DOCK1: variants seen among roughly 807,000 people sequenced by gnomAD.
The protein encoded by DOCK1 is dedicator of cytokinesis 1.
DOCK1 carries 138 observed loss-of-function variants against 262.7 expected under a neutral mutation model. That is an observed-to-expected ratio of 0.53 (90% confidence interval 0.46 to 0.61). The LOEUF is 0.61. DOCK1 is among the 20% of genes least tolerant of loss of function. The pLI is 0.00. For synonymous variants in DOCK1, 866 were observed against 867.4 expected (o/e 1.00, Z 0.03); for missense variants, 1,908 against 2,370.7 (o/e 0.80, Z 4.05).
At position 127,257,315 on chromosome 10, in the gene DOCK1, G is replaced by A. The variant is rs2059860888; in HGVS notation, c.2950-20G>A. ...CTTTTTCTTTGTGGGCCATTTCAGT[G>A]TTTTGTTTTTTTATTTCAGGATTTC... is the stretch of plus-strand genomic sequence containing the variant. On this transcript the variant is annotated intron_variant, in intron 28 of 51. Transcript: ENST00000623213. The A allele has an allele frequency of 1.3e-6, 2 of 1,559,034 alleles. No homozygotes were observed. Among genetic ancestry groups the A allele is most frequent in the Non-Finnish European group, 1.7e-6 (2 of 1,146,764 alleles).
At chr10:127,156,562 CT>C (rs869132788) in intron 27 of DOCK1, among the ~76,000 whole-genome samples, 13 of 16,964 alleles carry the variant, frequency 7.7e-4, no homozygotes, top group African/African-American at 2.1e-3. Flanking sequence ...TCTTCTTCTT[CT>C]TTTTTTTTTT....
intron 1 of DOCK1, among the ~76,000 whole-genome samples, chr10:126,915,554 G>T (rs1358610780): frequency 2.0e-5 from 3 of 152,084 alleles, no homozygotes; most frequent in Non-Finnish European, 4.4e-5. Flanking sequence ...AAGTAGCTGG[G>T]ATTACAGGTG....
At position 127,421,422 on chromosome 10, in the gene DOCK1, C is replaced by T. The variant is rs187659195; in HGVS notation, c.4776+1673C>T. Among the ~76,000 whole-genome samples the T allele has an allele frequency of 2.0e-3, 309 of 152,226 alleles. 5 individuals are homozygous for T. The highest frequency in any genetic ancestry group is 7.4e-4 in the Non-Finnish European group (50 of 68,018). ...CTAAGTGCTTATACTGATATGTAAA[C>T]ATAATATACATTATGTATATATTAT... is the stretch of plus-strand genomic sequence containing the variant. On this transcript the variant is annotated intron_variant, in intron 46 of 51. Coordinates refer to ENST00000623213, the MANE Select transcript of DOCK1 (RefSeq NM_001290223.2).
intron 27 of DOCK1, chr10:127,138,087 C>T: frequency 7.1e-7 from 1 of 1,417,696 alleles, no homozygotes; most frequent in Non-Finnish European, 9.6e-7. Context: ...CTCTTAGTGT[C>T]AGCAAGATTT....
chr10:127,127,305 A>G (rs1458872789), intron 26 of DOCK1, among the ~76,000 whole-genome samples: 1 of 152,256 alleles, frequency 6.6e-6, no homozygotes, highest in Non-Finnish European at 1.5e-5. Context: ...AGAACCATCT[A>G]GGACTGTTAT....
intron 4 of DOCK1, among the ~76,000 whole-genome samples, chr10:126,986,255 G>A (rs976702573): frequency 1.1e-4 from 16 of 152,108 alleles, no homozygotes; most frequent in Admixed American, 9.2e-4. Context: ...CAGGGTCCCC[G>A]TTGTCTGTTG....
intron 1 of DOCK1, among the ~76,000 whole-genome samples, chr10:126,945,847 G>A (rs1400502785): frequency 2.6e-5 from 4 of 152,210 alleles, no homozygotes; most frequent in African/African-American, 7.2e-5. Context: ...TGTCGGAGTG[G>A]CCAAGAGCAG....
chr10:127,333,150 C>G (rs1310776241), intron 29 of DOCK1, among the ~76,000 whole-genome samples: 1 of 152,154 alleles, frequency 6.6e-6, no homozygotes, highest in African/African-American at 2.4e-5. Context: ...TCGTCTCCAC[C>G]CCCAAAGCAG....
At chr10:127,337,488 T>C (rs529659481) in intron 29 of DOCK1, among the ~76,000 whole-genome samples, 9 of 152,336 alleles carry the variant, frequency 5.9e-5, no homozygotes, top group Non-Finnish European at 8.8e-5. Flanking sequence ...GCTTTTTTTT[T>C]CTAATCAATT....
At position 127,100,448 on chromosome 10, in the gene DOCK1, G is replaced by T. The variant is rs2048172831; in HGVS notation, c.2446-5783G>T. On this transcript the variant is annotated intron_variant, in intron 23 of 51. Transcript: ENST00000623213. This position sits in a 1 kb window ranked among gnomAD's most constrained non-coding sequence, Gnocchi z 5.5. Reference sequence around the variant, plus strand: ...AATCCCTAGGGAAGGCGAGGCAGCGGTGGCTTCCACCAAGGCAGGGGGAGT... The same window carrying T: ...AATCCCTAGGGAAGGCGAGGCAGCGTTGGCTTCCACCAAGGCAGGGGGAGT... Among the ~76,000 whole-genome samples the T allele has an allele frequency of 6.6e-6, 1 of 152,202 alleles. No individual in the cohort carries two copies. Among genetic ancestry groups the T allele is most frequent in the South Asian group, 2.1e-4 (1 of 4,830 alleles).
At chr10:127,162,961 C>T (rs879474223) in intron 27 of DOCK1, among the ~76,000 whole-genome samples, 2 of 152,182 alleles carry the variant, frequency 1.3e-5, no homozygotes, top group Non-Finnish European at 1.5e-5. Flanking sequence ...GAACCCTGAA[C>T]AGTAGCACTC....
At chr10:127,223,771 GCT>G (rs2058529801) in intron 27 of DOCK1, among the ~76,000 whole-genome samples, 1 of 152,158 alleles carries the variant, frequency 6.6e-6, no homozygotes, top group Non-Finnish European at 1.5e-5. Flanking sequence ...AAGAAGTGAG[GCT>G]TTTTAAGAAG....
chr10:126,958,873 G>A (rs2036963979), intron 1 of DOCK1, among the ~76,000 whole-genome samples: 1 of 152,220 alleles, frequency 6.6e-6, no homozygotes. Flanking sequence ...AGCCAAATAT[G>A]AGTGACCATG....
At chr10:127,410,057 AT>A (rs1475583703) in intron 42 of DOCK1, among the ~76,000 whole-genome samples, 27 of 152,288 alleles carry the variant, frequency 1.8e-4, no homozygotes, top group African/African-American at 6.3e-4. Context: ...TCTGGTGAAA[AT>A]ATTAATCTCT....
At chr10:127,046,935 G>A (rs1023890880) in intron 21 of DOCK1, among the ~76,000 whole-genome samples, 2 of 152,046 alleles carry the variant, frequency 1.3e-5, no homozygotes, top group Admixed American at 1.3e-4. Context: ...CAGTACCCCA[G>A]CAGATTGCTT....
chr10:127,033,643 G>A (rs2043392517), intron 18 of DOCK1, among the ~76,000 whole-genome samples: 1 of 152,164 alleles, frequency 6.6e-6, no homozygotes, highest in South Asian at 2.1e-4. Context: ...CTGGGGGATT[G>A]TCCGTAAATC....
Position 127,373,827 on chromosome 10 carries a change from G to A in DOCK1, c.3479G>A (p.Gly1160Asp). 2 of 1,611,630 alleles carry A rather than the reference G, an allele frequency of 1.2e-6. No homozygotes were observed. The highest frequency in any genetic ancestry group is 1.6e-4 in the Middle Eastern group (1 of 6,062). The change falls in exon 34 of 52, where the codon GGC (glycine) becomes GAC (aspartate). Residue 1160 changes from glycine (G) to aspartate (D), a missense_variant. By Grantham distance (94) the Gly-to-Asp change is moderately conservative. Transcript: ENST00000623213. ...ITKLDHEVEG[G>D]RGDEQYKVLF... Reference sequence around the variant, plus strand: ...AAGCTGGATCATGAAGTCGAAGGAGGCAGAGGAGACGAACAGTACAAAGTG... The same window carrying A: ...AAGCTGGATCATGAAGTCGAAGGAGACAGAGGAGACGAACAGTACAAAGTG...
intron 1 of DOCK1, among the ~76,000 whole-genome samples, chr10:126,970,039 C>A (rs1291356631): frequency 6.6e-6 from 1 of 152,026 alleles, no homozygotes; most frequent in Non-Finnish European, 1.5e-5. Context: ...CTTTTTGGGC[C>A]TTAAACACTT....
At chr10:126,931,089 G>C (rs1488516928) in intron 1 of DOCK1, among the ~76,000 whole-genome samples, 1 of 152,010 alleles carries the variant, frequency 6.6e-6, no homozygotes, top group South Asian at 2.1e-4. Flanking sequence ...GTTGCTGCAC[G>C]CCCACCGAGC....
Sources: allele counts gnomAD v4.1 joint callset (sites outside exome capture counted in the v4.1 genomes callset), GRCh38; gene constraint gnomAD v4.1.1; non-coding constraint Gnocchi (gnomAD v3.1); transcripts MANE v1.5; gene names NCBI Gene and HGNC (gene_info 2026-07-23, HGNC 2026-07-21).